RAI1: variants seen among roughly 807,000 people sequenced by gnomAD.
The protein encoded by RAI1 is retinoic acid induced 1.
RAI1 carries 9 observed loss-of-function variants against 123.8 expected under a neutral mutation model. The ratio of observed to expected loss-of-function variants is 0.07; its 90% CI spans 0.04 to 0.13. The LOEUF (loss-of-function observed/expected upper bound fraction) is 0.13, where lower values mean the gene tolerates loss of function less well. Among genes scored for constraint, RAI1 ranks in the 10% least tolerant of loss-of-function variants. The pLI is 1.00. For missense variants in RAI1, 2,256 were observed against 2,545.8 expected (o/e 0.89, Z 2.45); for synonymous variants, 1,231 against 1,127.3 (o/e 1.09, Z -1.84).
chr17:17,746,878 G>T (rs185394920), intron 2 of RAI1, among the ~76,000 whole-genome samples: 5 of 151,550 alleles, frequency 3.3e-5, no homozygotes, highest in Non-Finnish European at 5.9e-5. Context: ...TGGGTGATCC[G>T]CCTGCCTCGG....
At position 17,794,811 on chromosome 17, in the gene RAI1, G is replaced by A. The variant is rs771896137; in HGVS notation, c.1863G>A (p.Lys621=). The A allele has an allele frequency of 5.2e-5, 84 of 1,613,026 alleles. No individual in the cohort carries two copies. The highest frequency in any genetic ancestry group is 7.0e-5 in the Non-Finnish European group (83 of 1,180,018). ...ILGLQEAIGE[K]ADKAWAEAPS... ...GGCTGCAGGAAGCCATCGGTGAGAA[G>A]GCCGACAAAGCTTGGGCTGAAGCAC... Residue 621 remains lysine, a synonymous_variant, in exon 3 of 6, where the codon AAG becomes AAA. Transcript: ENST00000353383.
rs146112263 is a variant in RAI1 at position 17,798,147 on chromosome 17, G to A, written c.5199G>A (p.Ser1733=). The A allele has an allele frequency of 3.5e-4, 565 of 1,613,516 alleles. 2 individuals are homozygous for A. The highest frequency in any genetic ancestry group is 1.2e-3 in the Middle Eastern group (7 of 6,062). The change falls in exon 3 of 6, where the codon TCG becomes TCA. Residue 1733 remains serine, a synonymous_variant. Transcript: ENST00000353383. The part of the protein sequence containing the change: ...VRPEGTCEEA[S]LPLERTLKGP... ...CAGAAGGCACCTGTGAGGAGGCCTC[G>A]CTGCCGCTTGAGAGAACACTCAAAG...
intron 1 of RAI1, among the ~76,000 whole-genome samples, chr17:17,697,094 C>T (rs1411916343): frequency 6.6e-6 from 1 of 152,236 alleles, no homozygotes; most frequent in East Asian, 1.9e-4. Flanking sequence ...CCAGGCCTGT[C>T]TCTTCTCCCC....
intron 2 of RAI1, among the ~76,000 whole-genome samples, chr17:17,747,116 C>T (rs1168872816): frequency 2.6e-5 from 4 of 152,134 alleles, no homozygotes; most frequent in African/African-American, 7.2e-5. Flanking sequence ...AGAGAACCAG[C>T]GGGGCCTCAA....
intron 4 of RAI1, among the ~76,000 whole-genome samples, chr17:17,808,684 C>T (rs573932316): frequency 7.2e-5 from 11 of 152,160 alleles, no homozygotes; most frequent in African/African-American, 2.4e-4. Flanking sequence ...TGGGCTCAAG[C>T]GATTCATTCA....
intron 2 of RAI1, among the ~76,000 whole-genome samples, chr17:17,749,451 GGAGCACTTC>G (rs1422188127): frequency 6.6e-6 from 1 of 152,258 alleles, no homozygotes; most frequent in African/African-American, 2.4e-5. Context: ...TGAGCATCCA[GGAGCACTTC>G]GAGTGTGCTA....
In RAI1 at chr17:17,697,742, T is replaced by C. The variant is rs75962221; in HGVS notation, c.-149+15949T>C. Among the ~76,000 whole-genome samples, 265 of 152,144 alleles carry C rather than the reference T, an allele frequency of 1.7e-3. 2 individuals are homozygous for C. The highest frequency in any genetic ancestry group is 6.2e-3 in the African/African-American group (256 of 41,466). ...GCTGTTAGGTGGCTTGTGTGTCTGTTTGTCACTGGGACCAACGTGTGGTTG... is the reference window on the plus strand; with the variant it reads ...GCTGTTAGGTGGCTTGTGTGTCTGTCTGTCACTGGGACCAACGTGTGGTTG... On this transcript the variant is annotated intron_variant, in intron 1 of 5. Transcript: ENST00000353383.
chr17:17,750,712 A>AAAAAT (rs2030128404), intron 2 of RAI1, among the ~76,000 whole-genome samples: 2 of 150,034 alleles, frequency 1.3e-5, no homozygotes, highest in Non-Finnish European at 3.0e-5. Flanking sequence ...AAAAAAAAAA[A>AAAAAT]AGAAAAGAAA....
At chr17:17,792,318 T>TGTGTGTGTGTGTGCATGC (rs780341739) in intron 2 of RAI1, among the ~76,000 whole-genome samples, 4 of 148,962 alleles carry the variant, frequency 2.7e-5, no homozygotes, top group African/African-American at 1.0e-4. Flanking sequence ...TGTGCATGCG[T>TGTGTGTGTGTGTGCATGC]GTGTGTGTGT....
intron 2 of RAI1, among the ~76,000 whole-genome samples, chr17:17,790,016 C>T (rs1037660866): frequency 1.3e-5 from 2 of 152,166 alleles, no homozygotes; most frequent in African/African-American, 2.4e-5. Context: ...AGGTCACCAT[C>T]GTTCTGCCGG....
At chr17:17,705,828 A>G (rs1206696198) in intron 1 of RAI1, among the ~76,000 whole-genome samples, 1 of 152,074 alleles carries the variant, frequency 6.6e-6, no homozygotes, top group African/African-American at 2.4e-5. Context: ...GATGGAGACC[A>G]TCCTGGCCAA....
At chr17:17,770,526 A>T (rs1247368837) in intron 2 of RAI1, among the ~76,000 whole-genome samples, 1 of 150,924 alleles carries the variant, frequency 6.6e-6, no homozygotes, top group Non-Finnish European at 1.5e-5. Context: ...TTCCTTTCTC[A>T]CGCCCCGGCT....
intron 2 of RAI1, among the ~76,000 whole-genome samples, chr17:17,785,227 C>T (rs1277062194): frequency 6.6e-6 from 1 of 152,224 alleles, no homozygotes; most frequent in Non-Finnish European, 1.5e-5. Context: ...CTTTGTCTCT[C>T]CTTCCTGATT....
At chr17:17,758,150 T>C (rs571122752) in intron 2 of RAI1, among the ~76,000 whole-genome samples, 1 of 152,294 alleles carries the variant, frequency 6.6e-6, no homozygotes, top group Admixed American at 6.5e-5. Context: ...ACATAGCAAC[T>C]GTTACCAAGA....
chr17:17,783,382 C>T (rs1471896174), intron 2 of RAI1, among the ~76,000 whole-genome samples: 1 of 151,906 alleles, frequency 6.6e-6, no homozygotes, highest in African/African-American at 2.4e-5. Context: ...GTGCGCTTTC[C>T]GGATTGGCGC....
intron 1 of RAI1, chr17:17,684,931 T>C (rs544223010): frequency 1.3e-5 from 2 of 152,232 alleles, no homozygotes; most frequent in African/African-American, 4.8e-5. Context: ...AGTGTCCCCA[T>C]CTTTACAATC....
At chr17:17,784,193 G>A (rs1478997378) in intron 2 of RAI1, among the ~76,000 whole-genome samples, 1 of 152,162 alleles carries the variant, frequency 6.6e-6, no homozygotes, top group East Asian at 1.9e-4. Flanking sequence ...GGGGGAGGGA[G>A]GGGGTGCCAA....
In RAI1 at chr17:17,797,743, G is replaced by A; in HGVS notation, c.4795G>A (p.Val1599Met). 1 of 1,613,998 alleles carries A rather than the reference G, an allele frequency of 6.2e-7. No individual in the cohort carries two copies. The highest frequency in any genetic ancestry group is 8.5e-7 in the Non-Finnish European group (1 of 1,179,986). The change falls in exon 3 of 6, where the codon GTG becomes ATG. Residue 1599 changes from valine to methionine, a missense_variant. By Grantham distance (21) the Val-to-Met change is conservative (BLOSUM62 1). Around this residue, in one of 7 missense-constraint regions of RAI1, gnomAD observed 410 missense variants for 374.6 expected, o/e 1.09. Transcript: ENST00000353383. ...DSRTPAFSPF[V>M]RVEKRDAFTT... The stretch of plus-strand genomic sequence containing the variant: ...CCGGACCCCCGCCTTCTCACCCTTC[G>A]TGCGGGTGGAGAAGCGAGACGCGTT...
intron 2 of RAI1, among the ~76,000 whole-genome samples, chr17:17,785,386 C>T (rs1412301558): frequency 1.3e-5 from 2 of 152,230 alleles, no homozygotes; most frequent in Non-Finnish European, 2.9e-5. Flanking sequence ...CCAAGTAATA[C>T]TGAAGGGACA....
Sources: allele counts gnomAD v4.1 joint callset (sites outside exome capture counted in the v4.1 genomes callset), GRCh38; gene constraint gnomAD v4.1.1; regional missense constraint gnomAD v4.1.1; transcripts MANE v1.5; gene names NCBI Gene and HGNC (gene_info 2026-07-23, HGNC 2026-07-21).